FGD6: variants seen among roughly 807,000 people sequenced by gnomAD.
FGD6 encodes the protein FYVE, RhoGEF and PH domain-containing protein 6.
Under a neutral mutation model 149.4 loss-of-function variants are expected in FGD6, and 90 were observed. That is an observed-to-expected ratio of 0.60 (90% CI 0.51 to 0.72). The LOEUF (loss-of-function observed/expected upper bound fraction) is 0.72, where lower values mean the gene tolerates loss of function less well. Ranked by LOEUF, FGD6 falls within the 30% of genes least tolerant of loss-of-function variation. The probability of loss-of-function intolerance (pLI) is 0.00; values close to 1 mark genes in which losing one functional copy is unlikely to be tolerated. For missense variants in FGD6, 1,437 were observed against 1,684.8 expected (o/e 0.85, Z 2.57); for synonymous variants, 527 against 584.0 (o/e 0.90, Z 1.41).
At position 95,209,717 on chromosome 12, in the gene FGD6, A is replaced by G. The variant is rs2056713970; in HGVS notation, c.1567T>C (p.Ser523Pro). Residue 523 changes from serine (S) to proline (P), a missense_variant, in exon 2 of 21, where the codon TCT (serine) becomes CCT (proline). Around this residue, in one of 2 missense-constraint regions of FGD6, gnomAD observed 1,055 missense variants for 1,146.0 expected, o/e 0.92. Transcript: ENST00000343958. Reference sequence around the variant, plus strand: ...CTTTTTTCTTCACTTGAAGGATAAGAACTTTTTTCCAAAAGCTCCTCGGAG... The same window carrying G: ...CTTTTTTCTTCACTTGAAGGATAAGGACTTTTTTCCAAAAGCTCCTCGGAG... ...AASEELLEKS[S>P]YPSSEEKSSE... 1.9e-6 allele frequency: 3 copies of G among 1,614,122 alleles called. No homozygotes were observed. The highest frequency in any genetic ancestry group is 2.5e-6 in the Non-Finnish European group (3 of 1,180,010).
chr12:95,133,375 G>A (rs541824777), intron 8 of FGD6, among the ~76,000 whole-genome samples: 2 of 152,226 alleles, frequency 1.3e-5, no homozygotes, highest in Non-Finnish European at 2.9e-5. Context: ...CCAAGATGGC[G>A]CCACTGCACT....
In FGD6 at chr12:95,141,376, G is replaced by A. The variant is rs1287051372; in HGVS notation, c.2837+12C>T. On this transcript the variant is annotated intron_variant, in intron 6 of 20. Transcript: ENST00000343958. The stretch of plus-strand genomic sequence containing the variant: ...GAAACACTAGGAAAATCTGAAAACG[G>A]TCCATTTTTACCAGTGCAACATTCT... 1 of 1,610,176 alleles carries A rather than the reference G, an allele frequency of 6.2e-7. No homozygotes were observed. Among genetic ancestry groups the A allele is most frequent in the East Asian group, 2.2e-5 (1 of 44,778 alleles).
intron 6 of FGD6, among the ~76,000 whole-genome samples, chr12:95,138,245 T>TAAATA (rs869311776): frequency 6.7e-6 from 1 of 149,684 alleles, no homozygotes; most frequent in African/African-American, 2.5e-5. Context: ...AATAAATAAA[T>TAAATA]AACTCACTCA....
At chr12:95,116,021 G>A (rs546329025) in intron 8 of FGD6, among the ~76,000 whole-genome samples, 1 of 152,110 alleles carries the variant, frequency 6.6e-6, no homozygotes, top group Admixed American at 6.6e-5. Context: ...TCTGAATGAA[G>A]AGAGCATCCC....
chr12:95,127,617 A>C (rs1257629936), intron 8 of FGD6, among the ~76,000 whole-genome samples: 1 of 152,226 alleles, frequency 6.6e-6, no homozygotes, highest in Non-Finnish European at 1.5e-5. Context: ...ACATAGCTCA[A>C]ATTTATAGCT....
chr12:95,159,677 T>C (rs1415465756), intron 3 of FGD6, among the ~76,000 whole-genome samples: 1 of 151,866 alleles, frequency 6.6e-6, no homozygotes, highest in African/African-American at 2.4e-5. Context: ...CTACAGACAA[T>C]ACAAAAATTA....
chr12:95,145,601 A>C (rs1000371298), intron 5 of FGD6, among the ~76,000 whole-genome samples: 1 of 152,048 alleles, frequency 6.6e-6, no homozygotes, highest in Non-Finnish European at 1.5e-5. Flanking sequence ...ATAAATTCCC[A>C]CTTGCCCGTA....
chr12:95,163,293 C>A (rs1482126691), intron 3 of FGD6, among the ~76,000 whole-genome samples: 1 of 152,162 alleles, frequency 6.6e-6, no homozygotes, highest in Non-Finnish European at 1.5e-5. Flanking sequence ...CAGCACTTCT[C>A]CTTCTCCCTG....
intron 8 of FGD6, among the ~76,000 whole-genome samples, chr12:95,131,226 A>G (rs1021307248): frequency 1.3e-4 from 19 of 150,074 alleles, no homozygotes; most frequent in African/African-American, 3.2e-4. Context: ...ATTCTGCCTC[A>G]GCCTCCTGAG....
intron 5 of FGD6, among the ~76,000 whole-genome samples, chr12:95,144,429 G>A (rs548598280): frequency 6.6e-6 from 1 of 151,978 alleles, no homozygotes; most frequent in East Asian, 1.9e-4. Context: ...TTTCACTCTG[G>A]TTGCCCAGGC....
intron 14 of FGD6, among the ~76,000 whole-genome samples, chr12:95,103,996 C>T (rs1878529908): frequency 6.6e-6 from 1 of 152,148 alleles, no homozygotes; most frequent in Non-Finnish European, 1.5e-5. Flanking sequence ...TTAAGTGACA[C>T]CTACAAATTT....
intron 3 of FGD6, among the ~76,000 whole-genome samples, chr12:95,155,708 G>A (rs747103310): frequency 3.9e-5 from 6 of 152,146 alleles, no homozygotes; most frequent in South Asian, 2.1e-4. Context: ...CAGGGACTAC[G>A]TAAAGTGAGA....
At chr12:95,211,691 C>G (rs917575165) in intron 1 of FGD6, among the ~76,000 whole-genome samples, 27 of 152,048 alleles carry the variant, frequency 1.8e-4, no homozygotes, top group Admixed American at 8.5e-4. Context: ...AAGTGCGCAC[C>G]ACCACATCCG....
In FGD6 at chr12:95,152,859, GA is replaced by G. The variant is rs752396865; in HGVS notation, c.2655-19del. 7.7e-5 allele frequency: 125 copies of G among 1,613,332 alleles called. No individual in the cohort carries two copies. The highest frequency in any genetic ancestry group is 9.7e-5 in the Non-Finnish European group (114 of 1,179,724). On this transcript the variant is annotated intron_variant, in intron 4 of 20. Coordinates refer to ENST00000343958, the MANE Select transcript of FGD6 (RefSeq NM_018351.4). Reference sequence around the variant, plus strand: ...CCACAAACCTGTAAAAAACAACAATGAAAAAAATGTTTTAAATGTGCCAATG... The same window carrying G: ...CCACAAACCTGTAAAAAACAACAATGAAAAAATGTTTTAAATGTGCCAATG...
At chr12:95,125,829 T>G (rs964030038) in intron 8 of FGD6, 2 of 995,238 alleles carry the variant, frequency 2.0e-6, no homozygotes, top group African/African-American at 3.2e-5. Context: ...TGCTGGAAAA[T>G]TCATTGTGAT....
intron 8 of FGD6, among the ~76,000 whole-genome samples, chr12:95,118,526 C>T (rs10777668): frequency 0.63 from 95,580 of 151,956 alleles, 30,328 homozygotes; most frequent in East Asian, 0.68. Context: ...TCCTGTTAAC[C>T]ATTAATAAAA....
intron 8 of FGD6, chr12:95,126,331 A>C (rs1433742232): frequency 2.6e-6 from 4 of 1,559,938 alleles, no homozygotes; most frequent in Non-Finnish European, 3.5e-6. Context: ...AAAGCTCAGA[A>C]GGGTCAAAAA....
chr12:95,157,295 G>C (rs998798082), intron 3 of FGD6, among the ~76,000 whole-genome samples: 1 of 152,110 alleles, frequency 6.6e-6, no homozygotes, highest in Non-Finnish European at 1.5e-5. Flanking sequence ...GGCTGGGTGC[G>C]GTGGCTGACG....
chr12:95,142,112 C>T (rs1052360631), intron 5 of FGD6, among the ~76,000 whole-genome samples: 4 of 149,264 alleles, frequency 2.7e-5, no homozygotes, highest in African/African-American at 7.4e-5. Context: ...GGACTACAGG[C>T]GCGTGCCACC....
Sources: allele counts gnomAD v4.1 joint callset (sites outside exome capture counted in the v4.1 genomes callset), GRCh38; gene constraint gnomAD v4.1.1; regional missense constraint gnomAD v4.1.1; transcripts MANE v1.5; gene names NCBI Gene and HGNC (gene_info 2026-07-23, HGNC 2026-07-21).